URI1: variants seen among roughly 807,000 people sequenced by gnomAD.
URI1 encodes the protein unconventional prefoldin RPB5 interactor 1.
In URI1, 39 loss-of-function variants were observed where a neutral mutation model predicts 60.2. The ratio of observed to expected loss-of-function variants is 0.65; its 90% CI spans 0.50 to 0.85. The LOEUF (loss-of-function observed/expected upper bound fraction) is 0.85, where lower values mean the gene tolerates loss of function less well. Ranked by LOEUF, URI1 falls within the 40% of genes least tolerant of loss-of-function variation. The pLI is 0.00. For missense variants in URI1, 691 were observed against 665.9 expected, an observed-to-expected ratio of 1.04 and a Z score of -0.42; for synonymous variants, 251 against 236.8, an observed-to-expected ratio of 1.06 and a Z score of -0.55.
chr19:29,924,431 C>A (rs1232787966), intron 1 of URI1, among the ~76,000 whole-genome samples: 1 of 152,160 alleles, frequency 6.6e-6, no homozygotes, highest in Admixed American at 6.5e-5. Context: ...GGTGTACTGG[C>A]GATCTAAACA....
intron 2 of URI1, chr19:29,983,092 T>C (rs2055618953): frequency 6.6e-6 from 1 of 152,220 alleles, no homozygotes; most frequent in African/African-American, 2.4e-5. Context: ...GGAGGATTTT[T>C]GCCTTAAACA....
intron 4 of URI1, among the ~76,000 whole-genome samples, chr19:29,999,514 T>C (rs143491609): frequency 1.3e-4 from 20 of 152,246 alleles, no homozygotes; most frequent in Non-Finnish European, 2.9e-4. Context: ...TAACCTTCTG[T>C]GCTTCAGGGT....
chr19:30,012,175 T>C, intron 9 of URI1, 110 bp from the exon 10 acceptor site: 3 of 1,305,262 alleles, frequency 2.3e-6, no homozygotes, highest in Non-Finnish European at 3.1e-6. Context: ...AAGATTGTAA[T>C]AAAAATTTTC....
intron 1 of URI1, among the ~76,000 whole-genome samples, chr19:29,949,450 C>G (rs1475313134): frequency 6.6e-6 from 1 of 151,932 alleles, no homozygotes; most frequent in Admixed American, 6.5e-5. Flanking sequence ...AGAGGGGCTC[C>G]TCACATCCCA....
chr19:29,982,505 CT>C (rs1229737577), intron 2 of URI1, among the ~76,000 whole-genome samples: 1 of 151,928 alleles, frequency 6.6e-6, no homozygotes, highest in Non-Finnish European at 1.5e-5. Flanking sequence ...ATTTAGATAT[CT>C]AGGCTGGTGT....
intron 8 of URI1, 136 bp downstream of exon 8, chr19:30,009,489 G>T: frequency 1.1e-6 from 1 of 886,208 alleles, no homozygotes; most frequent in Non-Finnish European, 1.7e-6. Context: ...TTTGCCTCTT[G>T]TTCTGACCAA....
chr19:29,986,443 T>C, intron 4 of URI1, 26 bp downstream of exon 4: 1 of 1,599,838 alleles, frequency 6.3e-7, no homozygotes, highest in South Asian at 1.1e-5. Flanking sequence ...AAATGATGTT[T>C]CTTTGTTGTA....
rs879626146 is a variant in URI1, at chr19:29,989,109, CT to C, written c.367+2704del. Among the ~76,000 whole-genome samples, 755 of 145,286 alleles carry C rather than the reference CT, an allele frequency of 5.2e-3. 8 individuals are homozygous for C. The highest frequency in any genetic ancestry group is 0.014 in the African/African-American group (547 of 39,944). On this transcript the variant is annotated intron_variant, in intron 4 of 10. Coordinates refer to ENST00000392271, the MANE Select transcript of URI1 (RefSeq NM_003796.3). ...ATTTTAAAATATTGGGTTATATATGCTTTTTTTTTTTTATTTTTTGAGATGG... is the reference window on the plus strand; with the variant it reads ...ATTTTAAAATATTGGGTTATATATGCTTTTTTTTTTTATTTTTTGAGATGG...
intron 2 of URI1, among the ~76,000 whole-genome samples, chr19:29,972,445 A>G (rs1428536341): frequency 6.6e-6 from 1 of 152,126 alleles, no homozygotes; most frequent in East Asian, 1.9e-4. Context: ...CCATTTTACA[A>G]ATAATTTCCA....
At position 29,965,065 on chromosome 19, in the gene URI1, G is replaced by C. The variant is rs12973850; in HGVS notation, c.118-6128G>C. Among the ~76,000 whole-genome samples, 1,049 of 152,082 alleles carry C rather than the reference G, an allele frequency of 6.9e-3. 5 individuals are homozygous for C. Among genetic ancestry groups the C allele is most frequent in the South Asian group, 0.016 (76 of 4,816 alleles). ...GGAGTCAAGGGTAGGAGTTTTTTGG[G>C]TCTCTGTGTTTTGTTTTCTTGTACA... On this transcript the variant is annotated intron_variant, in intron 1 of 10. Transcript: ENST00000392271.
chr19:29,956,771 A>G, intron 1 of URI1: 1 of 1,597,120 alleles, frequency 6.3e-7, no homozygotes, highest in Non-Finnish European at 8.6e-7. Context: ...ATGACTACAA[A>G]TAGTCCGAAC....
intron 4 of URI1, among the ~76,000 whole-genome samples, chr19:30,002,395 G>T (rs759935059): frequency 6.6e-6 from 1 of 151,904 alleles, no homozygotes; most frequent in African/African-American, 2.4e-5. Flanking sequence ...TTTGGAATTT[G>T]CACTGTTAAT....
At position 29,959,231 on chromosome 19, in the gene URI1, CCT is replaced by C. The variant is rs541781601; in HGVS notation, c.118-11958_118-11957del. 6.0e-4 allele frequency among the ~76,000 whole-genome samples: 92 copies of C among 152,170 alleles called. 1 individual carries two copies. The Middle Eastern group carries it at 0.017, about 28-fold the overall frequency. ...CCTGGAACTCCCAGGCTCAGGTGAT[CCT>C]CTCGCCTCAGTCTCCCCGAGTAGCT... On this transcript the variant is annotated intron_variant, in intron 1 of 10. Transcript: ENST00000392271.
intron 1 of URI1, among the ~76,000 whole-genome samples, chr19:29,926,550 G>A (rs1319409450): frequency 6.6e-6 from 1 of 152,134 alleles, no homozygotes; most frequent in Non-Finnish European, 1.5e-5. Context: ...CCAAAGTGCT[G>A]GGATTGCAGG....
At chr19:29,963,468 A>T (rs2055351677) in intron 1 of URI1, among the ~76,000 whole-genome samples, 1 of 152,128 alleles carries the variant, frequency 6.6e-6, no homozygotes, top group African/African-American at 2.4e-5. Context: ...TCTCTAGTGA[A>T]AATTGCTATT....
At chr19:30,001,969 A>G (rs527794999) in intron 4 of URI1, among the ~76,000 whole-genome samples, 33 of 152,124 alleles carry the variant, frequency 2.2e-4, no homozygotes, top group African/African-American at 7.9e-4. Flanking sequence ...CATCCTGTCC[A>G]GAGGTTTGTG....
At chr19:30,005,506 A>G (rs2055930685) in intron 5 of URI1, 54 bp downstream of exon 5, 5 of 1,501,040 alleles carry the variant, frequency 3.3e-6, no homozygotes, top group Middle Eastern at 1.8e-4. Context: ...TCAAAGAAAT[A>G]TGAAGCTATC....
At chr19:29,949,128 C>A (rs919320485) in intron 1 of URI1, among the ~76,000 whole-genome samples, 2 of 150,486 alleles carry the variant, frequency 1.3e-5, no homozygotes, top group Non-Finnish European at 1.5e-5. Flanking sequence ...AGCTGCCGGG[C>A]GGAGGGGCTC....
chr19:29,928,462 C>T (rs79635187), intron 1 of URI1, among the ~76,000 whole-genome samples: 16,197 of 152,096 alleles, frequency 0.11, 1,330 homozygotes, highest in East Asian at 0.22. Flanking sequence ...CACCTCCCTT[C>T]ACTCAGCTCT....
Sources: allele counts gnomAD v4.1 joint callset (sites outside exome capture counted in the v4.1 genomes callset), GRCh38; gene constraint gnomAD v4.1.1; transcripts MANE v1.5; gene names NCBI Gene and HGNC (gene_info 2026-07-23, HGNC 2026-07-21).